The following GZF1 variants were observed in gnomAD, a reference collection of about 807,000 sequenced individuals.
GZF1 encodes GDNF inducible zinc finger protein 1.
GZF1 carries 28 observed loss-of-function variants against 49.4 expected under a neutral mutation model. The ratio of observed to expected loss-of-function variants is 0.57; its 90% CI spans 0.42 to 0.78. GZF1 has a LOEUF of 0.78. Ranked by LOEUF, GZF1 falls within the 30% of genes least tolerant of loss-of-function variation. The pLI is 0.00. For missense variants in GZF1, 798 were observed against 916.2 expected (o/e 0.87, Z 1.67); for synonymous variants, 364 against 356.0 (o/e 1.02, Z -0.25).
chr20:23,372,649 T>A lies in GZF1; in HGVS notation c.*2208T>A, dbSNP rs1982188475. Reference sequence around the variant, plus strand: ...TGGTTACAGAGGACCTCCTGGAGCATCTGCCCCATTCCTCCAAGTCCAAGC... The same window carrying A: ...TGGTTACAGAGGACCTCCTGGAGCAACTGCCCCATTCCTCCAAGTCCAAGC... On this transcript the variant is annotated 3_prime_UTR_variant, in exon 6 of 6. Transcript: ENST00000338121. 6.6e-6 allele frequency: 1 copy of A among 152,278 alleles called. No individual in the cohort carries two copies. The highest frequency in any genetic ancestry group is 2.4e-5 in the African/African-American group (1 of 41,456). 9.4% of individuals were successfully genotyped at this position (152,278 alleles called of 1,614,324 possible). A position where few individuals can be genotyped will look rare whatever the true frequency, so the allele number is the denominator to read the frequency against.
rs1397134076 is a variant in GZF1 at position 23,364,378 on chromosome 20, A to G, written c.-6A>G. The G allele has an allele frequency of 1.3e-6, 2 of 1,547,842 alleles. No individual in the cohort carries two copies. Among genetic ancestry groups the G allele is most frequent in the Admixed American group, 2.0e-5 (1 of 49,224 alleles). ...TTTTTCAAAGCTGTTTTTGGAAGGAAGAAAGATGGAAAGCGGTGCAGTTCT... is the reference window on the plus strand; with the variant it reads ...TTTTTCAAAGCTGTTTTTGGAAGGAGGAAAGATGGAAAGCGGTGCAGTTCT... On this transcript the variant is annotated 5_prime_UTR_variant, in exon 2 of 6. Coordinates refer to ENST00000338121, the MANE Select transcript of GZF1 (RefSeq NM_022482.5).
rs748022575 is a variant in GZF1 at position 23,365,358 on chromosome 20, G to A, written c.975G>A (p.Ala325=). 40 of 1,612,488 alleles carry A rather than the reference G, an allele frequency of 2.5e-5. No homozygotes were observed. Among genetic ancestry groups the A allele is most frequent in the Non-Finnish European group, 3.1e-5 (36 of 1,179,124 alleles). The change falls in exon 2 of 6, where the codon GCG becomes GCA. Residue 325 remains alanine (A), a synonymous_variant. Transcript: ENST00000338121. ...SNFKCSICEK[A]FLYEKSFLKH... ...TTAAGTGCAGCATTTGCGAGAAGGCGTTTCTGTATGAGAAGAGCTTCCTGA... is the reference window on the plus strand; with the variant it reads ...TTAAGTGCAGCATTTGCGAGAAGGCATTTCTGTATGAGAAGAGCTTCCTGA...
In GZF1 at chr20:23,365,370, G is replaced by A; in HGVS notation, c.987G>A (p.Glu329=). 6.2e-7 allele frequency: 1 copy of A among 1,613,524 alleles called. No individual in the cohort carries two copies. Among genetic ancestry groups the A allele is most frequent in the Non-Finnish European group, 8.5e-7 (1 of 1,179,770 alleles). The part of the protein sequence containing the change: ...CSICEKAFLY[E]KSFLKHSKHR... ...TTTGCGAGAAGGCGTTTCTGTATGAGAAGAGCTTCCTGAAGCACAGCAAGC... is the reference window on the plus strand; with the variant it reads ...TTTGCGAGAAGGCGTTTCTGTATGAAAAGAGCTTCCTGAAGCACAGCAAGC... Residue 329 remains glutamate (E), a synonymous_variant, in exon 2 of 6, where the codon GAG becomes GAA. Transcript: ENST00000338121.
chr20:23,364,714 G>A lies in GZF1; in HGVS notation c.331G>A (p.Glu111Lys). The A allele has an allele frequency of 6.2e-7, 1 of 1,614,262 alleles. No homozygotes were observed. The highest frequency in any genetic ancestry group is 8.5e-7 in the Non-Finnish European group (1 of 1,180,036). The change falls in exon 2 of 6, where the codon GAA becomes AAA. Residue 111 changes from glutamate (E) to lysine (K), a missense_variant. Coordinates refer to ENST00000338121, the MANE Select transcript of GZF1 (RefSeq NM_022482.5). Reference sequence around the variant, plus strand: ...AGAAGATCGGGTGCAGCGAATGCTGGAAGTGGCTGAAAAGCTGAAATGTTT... The same window carrying A: ...AGAAGATCGGGTGCAGCGAATGCTGAAAGTGGCTGAAAAGCTGAAATGTTT... ...VEEDRVQRML[E>K]VAEKLKCLDL... is the part of the protein sequence containing the mutation.
chr20:23,369,615 C>G lies in GZF1; in HGVS notation c.1659C>G (p.Gly553=), dbSNP rs1981828420. The change falls in exon 5 of 6, where the codon GGC becomes GGG. Residue 553 remains glycine, a synonymous_variant. Transcript: ENST00000338121. ...GTCCCTACTGCTGTGACCAGTGCGGCAAGCAGTTCACCCAGCTCAACGCCC... is the reference window on the plus strand; with the variant it reads ...GTCCCTACTGCTGTGACCAGTGCGGGAAGCAGTTCACCCAGCTCAACGCCC... ...GERPYCCDQC[G]KQFTQLNALQ... 2.5e-6 allele frequency: 4 copies of G among 1,613,794 alleles called. No homozygotes were observed. Among genetic ancestry groups the G allele is most frequent in the Non-Finnish European group, 8.5e-7 (1 of 1,179,794 alleles).
chr20:23,370,464 T>C lies in GZF1; in HGVS notation c.*23T>C. The C allele has an allele frequency of 6.9e-7, 1 of 1,445,966 alleles. No individual in the cohort carries two copies. The highest frequency in any genetic ancestry group is 9.7e-7 in the Non-Finnish European group (1 of 1,032,656). 89.6% of individuals were successfully genotyped at this position (1,445,966 alleles called of 1,614,324 possible). A position where few individuals can be genotyped will look rare whatever the true frequency, so the allele number is the denominator to read the frequency against. On this transcript the variant is annotated 3_prime_UTR_variant, in exon 6 of 6. Transcript: ENST00000338121. ...TAAGAGCTTCAAGCAGTTCCCATCC[T>C]GTTAGTCTGCGTGTGTGGTAGCTGA...
In GZF1 at chr20:23,364,422, C is replaced by T. The variant is rs758513587; in HGVS notation, c.39C>T (p.Ser13=). Residue 13 remains serine (S), a synonymous_variant, in exon 2 of 6, where the codon TCC becomes TCT. Coordinates refer to ENST00000338121, the MANE Select transcript of GZF1 (RefSeq NM_022482.5). ...SGAVLLESKS[S]PFNLLHEMHE... ...CAGTTCTGCTGGAATCCAAATCCTC[C>T]CCATTTAACCTACTGCATGAGATGC... 37 of 1,604,074 alleles carry T rather than the reference C, an allele frequency of 2.3e-5. 1 individual carries two copies. The South Asian group carries it at 3.9e-4, about 17-fold the overall frequency.
Position 23,364,766 on chromosome 20 carries a change from TAAAG to T in GZF1, c.387_390del (p.Lys129AsnfsTer4), listed in dbSNP as rs748548388. ...GATTTATCAGAAACTTGTTTTCAAT[TAAAG>T]AAACAGATGTTAGAGTCAGTACTTT... On this transcript the variant is annotated frameshift_variant, in exon 2 of 6. Coordinates refer to ENST00000338121, the MANE Select transcript of GZF1 (RefSeq NM_022482.5). LOFTEE classifies it high-confidence loss of function. The T allele has an allele frequency of 2.5e-6, 4 of 1,614,256 alleles. No individual in the cohort carries two copies. Among genetic ancestry groups the T allele is most frequent in the Non-Finnish European group, 2.5e-6 (3 of 1,180,052 alleles).
chr20:23,365,427 C>T lies in GZF1; in HGVS notation c.1044C>T (p.Tyr348=). Residue 348 remains tyrosine (Y), a synonymous_variant, in exon 2 of 6, where the codon TAC becomes TAT. Coordinates refer to ENST00000338121, the MANE Select transcript of GZF1 (RefSeq NM_022482.5). ...HRHGVATEVV[Y]RCDTCGQTFA... Reference sequence around the variant, plus strand: ...ACGGCGTGGCCACCGAGGTGGTGTACCGCTGCGACACCTGCGGCCAGACCT... The same window carrying T: ...ACGGCGTGGCCACCGAGGTGGTGTATCGCTGCGACACCTGCGGCCAGACCT... The T allele has an allele frequency of 6.2e-7, 1 of 1,613,778 alleles. No individual in the cohort carries two copies. Among genetic ancestry groups the T allele is most frequent in the South Asian group, 1.1e-5 (1 of 91,082 alleles).
rs1473783541 is a variant in GZF1 at position 23,365,050 on chromosome 20, A to G, written c.667A>G (p.Ser223Gly). 6.2e-7 allele frequency: 1 copy of G among 1,614,122 alleles called. No homozygotes were observed. Among genetic ancestry groups the G allele is most frequent in the Admixed American group, 1.7e-5 (1 of 60,030 alleles). The change falls in exon 2 of 6, where the codon AGT (serine) becomes GGT (glycine). Residue 223 changes from serine (S) to glycine (G), a missense_variant. Around this residue, in one of 3 missense-constraint regions of GZF1, gnomAD observed 247 missense variants for 228.5 expected, o/e 1.08. Transcript: ENST00000338121. Reference protein sequence around the residue: ...KPPYPKIRRASGRLAGRKVFV... With the variant: ...KPPYPKIRRAGGRLAGRKVFV... ...TCCCTACCCTAAAATCAGGAGAGCT[A>G]GTGGAAGGCTGGCTGGGAGGAAGGT...
intron 1 of GZF1, among the ~76,000 whole-genome samples, chr20:23,364,121 T>A (rs1403595009): frequency 6.6e-6 from 1 of 152,254 alleles, no homozygotes; most frequent in Non-Finnish European, 1.5e-5. Flanking sequence ...CATCATTTGT[T>A]TATCACTGGA....
rs371198509 is a variant in GZF1, at chr20:23,369,720, C to T, written c.1764C>T (p.Ser588=). Residue 588 remains serine, a synonymous_variant, in exon 5 of 6, where the codon TCC becomes TCT. Transcript: ENST00000338121. Reference sequence around the variant, plus strand: ...GCGGACGGACATTCACCGACAAGTCCACTCTTCGGCGGCACACCTCAGTAA... The same window carrying T: ...GCGGACGGACATTCACCGACAAGTCTACTCTTCGGCGGCACACCTCAGTAA... ...NACGRTFTDK[S]TLRRHTSIHD... The T allele has an allele frequency of 3.1e-6, 5 of 1,612,386 alleles. No homozygotes were observed. The highest frequency in any genetic ancestry group is 4.2e-6 in the Non-Finnish European group (5 of 1,179,106).
In GZF1 at chr20:23,370,756, G is replaced by T; in HGVS notation, c.*315G>T. The T allele has an allele frequency of 3.0e-6, 1 of 329,344 alleles. No individual in the cohort carries two copies. Among genetic ancestry groups the T allele is most frequent in the Non-Finnish European group, 5.7e-6 (1 of 175,826 alleles). 20.4% of individuals were successfully genotyped at this position (329,344 alleles called of 1,614,324 possible). ...ATTACCTAGTTTATAGATAACTGCT[G>T]GTCTTAATTGCAGAGTACAGAGAAC... On this transcript the variant is annotated 3_prime_UTR_variant, in exon 6 of 6. Transcript: ENST00000338121.
chr20:23,365,865 T>C, intron 2 of GZF1, 118 bp downstream of exon 2: 2 of 1,394,068 alleles, frequency 1.4e-6, no homozygotes, highest in Non-Finnish European at 1.9e-6. Context: ...CCTGGGGGCT[T>C]ATTTCGAGAC....
intron 1 of GZF1, among the ~76,000 whole-genome samples, chr20:23,363,980 T>A (rs914806819): frequency 6.6e-6 from 1 of 152,224 alleles, no homozygotes; most frequent in African/African-American, 2.4e-5. Flanking sequence ...ATTATCTGGT[T>A]TCCTGATCAG....
At chr20:23,365,774 C>T (rs760124830) in intron 2 of GZF1, 27 bp downstream of exon 2, 3 of 1,487,580 alleles carry the variant, frequency 2.0e-6, no homozygotes, top group Non-Finnish European at 2.7e-6. Context: ...CCGGAGGGGT[C>T]CCTGCGCACT....
At chr20:23,368,208 G>A in intron 3 of GZF1, among the ~76,000 whole-genome samples, 1 of 139,138 alleles carries the variant, frequency 7.2e-6, no homozygotes, top group South Asian at 2.3e-4. Context: ...TTTTATTAAA[G>A]TCACTATTTT....
upstream of GZF1, among the ~76,000 whole-genome samples, chr20:23,361,363 A>G (rs1482650438): frequency 6.6e-6 from 1 of 152,264 alleles, no homozygotes; most frequent in Non-Finnish European, 1.5e-5. Flanking sequence ...GAATTGGTGG[A>G]AACAGCAAGA....
chr20:23,368,240 G>T (rs912190678), intron 3 of GZF1, among the ~76,000 whole-genome samples: 2 of 152,044 alleles, frequency 1.3e-5, no homozygotes, highest in African/African-American at 2.4e-5. Flanking sequence ...CTGTGAAATC[G>T]GGCACAGCTA....
Sources: gnomAD v4.1 joint callset for allele counts (sites outside exome capture counted in the v4.1 genomes callset) on GRCh38, gnomAD v4.1.1 for gene constraint, gnomAD v4.1.1 regional missense constraint, MANE v1.5 for transcripts, NCBI Gene and HGNC (gene_info 2026-07-23, HGNC 2026-07-21) for gene names.